EFCAB11: variants seen among roughly 807,000 people sequenced by gnomAD.
EFCAB11 encodes EF-hand calcium binding domain 11.
Under a neutral mutation model 23.0 loss-of-function variants are expected in EFCAB11, and 14 were observed. That is an observed-to-expected ratio of 0.61 (90% confidence interval 0.40 to 0.95). The LOEUF (loss-of-function observed/expected upper bound fraction) is 0.95, where lower values mean the gene tolerates loss of function less well. Ranked by LOEUF, EFCAB11 falls within the 40% of genes least tolerant of loss-of-function variation. The probability of loss-of-function intolerance (pLI) is 0.00; values close to 1 mark genes in which losing one functional copy is unlikely to be tolerated. For missense variants in EFCAB11, 198 were observed against 195.8 expected, an observed-to-expected ratio of 1.01 and a Z score of -0.07; for synonymous variants, 65 against 66.6, an observed-to-expected ratio of 0.98 and a Z score of 0.11.
At position 89,924,129 on chromosome 14, in the gene EFCAB11, T is replaced by C; in HGVS notation, c.410+7412A>G. 4 of 985,956 alleles carry C rather than the reference T, an allele frequency of 4.1e-6. No individual in the cohort carries two copies. The South Asian group carries it at 1.9e-4, about 46-fold the overall frequency. The allele number at this position is 985,956 out of a possible 1,614,324, so 61.1% of individuals were successfully genotyped here. A position where few individuals can be genotyped will look rare whatever the true frequency, so the allele number is the denominator to read the frequency against. The stretch of plus-strand genomic sequence containing the variant: ...ATTCCTAAGACCCAGCCCCCACTAA[T>C]ACTCTGATTTTGAAAATATCTTATT... On this transcript the variant is annotated intron_variant, in intron 5 of 5. Transcript: ENST00000316738.
At chr14:89,932,382 C>T in intron 4 of EFCAB11, 144 bp downstream of exon 4, 1 of 616,726 alleles carries the variant, frequency 1.6e-6, no homozygotes, top group Non-Finnish European at 2.8e-6. Flanking sequence ...AAAAAATGTG[C>T]ATCAATACCT....
chr14:89,944,165 T>C (rs1890886150), intron 3 of EFCAB11, among the ~76,000 whole-genome samples: 1 of 152,180 alleles, frequency 6.6e-6, no homozygotes, highest in East Asian at 1.9e-4. Flanking sequence ...GGACTTACAG[T>C]TCCACACGGC....
At chr14:89,919,245 G>T (rs1184440559) in intron 5 of EFCAB11, among the ~76,000 whole-genome samples, 1 of 151,982 alleles carries the variant, frequency 6.6e-6, no homozygotes, top group Non-Finnish European at 1.5e-5. Flanking sequence ...ATTCACTGTG[G>T]AATGTATGAT....
chr14:89,807,342 T>G (rs1274252628), intron 5 of EFCAB11, among the ~76,000 whole-genome samples: 2 of 152,226 alleles, frequency 1.3e-5, no homozygotes, highest in Non-Finnish European at 2.9e-5. Context: ...AATGGCTCAG[T>G]GCACAGATGT....
chr14:89,918,810 G>C (rs1207541680), intron 5 of EFCAB11, among the ~76,000 whole-genome samples: 2 of 151,840 alleles, frequency 1.3e-5, no homozygotes, highest in Non-Finnish European at 2.9e-5. Context: ...CTGCAGAAGA[G>C]GGCAGCCACA....
chr14:89,811,613 G>A (rs1193488883), intron 5 of EFCAB11, among the ~76,000 whole-genome samples: 1 of 152,116 alleles, frequency 6.6e-6, no homozygotes, highest in Non-Finnish European at 1.5e-5. Flanking sequence ...AGAGAGATGT[G>A]AAGACGCTAA....
intron 5 of EFCAB11, among the ~76,000 whole-genome samples, chr14:89,828,091 A>G (rs555207011): frequency 6.6e-6 from 1 of 152,308 alleles, no homozygotes; most frequent in Non-Finnish European, 1.5e-5. Context: ...ATTTTTGCCT[A>G]AAGCCATTTA....
intron 5 of EFCAB11, among the ~76,000 whole-genome samples, chr14:89,844,378 G>A (rs1404599647): frequency 1.4e-4 from 21 of 152,104 alleles, no homozygotes; most frequent in Admixed American, 1.3e-3. Flanking sequence ...TGCTAAAATT[G>A]AATGAAATAA....
At chr14:89,862,554 C>T (rs1012871373) in intron 5 of EFCAB11, among the ~76,000 whole-genome samples, 1 of 152,102 alleles carries the variant, frequency 6.6e-6, no homozygotes, top group Non-Finnish European at 1.5e-5. Context: ...CAGAAAGCTA[C>T]CTGGTGGGAA....
chr14:89,874,239 C>A (rs1211812741), intron 5 of EFCAB11, among the ~76,000 whole-genome samples: 1 of 152,148 alleles, frequency 6.6e-6, no homozygotes, highest in Non-Finnish European at 1.5e-5. Context: ...CCCCTTTTAG[C>A]CACAGATGGG....
intron 5 of EFCAB11, among the ~76,000 whole-genome samples, chr14:89,822,675 T>C (rs968129973): frequency 6.6e-5 from 10 of 152,100 alleles, no homozygotes; most frequent in Non-Finnish European, 8.8e-5. Context: ...GAAAAGAACT[T>C]ACAGGTACAG....
intron 5 of EFCAB11, among the ~76,000 whole-genome samples, chr14:89,921,136 C>T (rs1890011048): frequency 6.6e-6 from 1 of 150,948 alleles, no homozygotes; most frequent in South Asian, 2.1e-4. Flanking sequence ...GAATGGATAC[C>T]ATTCAGATAT....
intron 3 of EFCAB11, among the ~76,000 whole-genome samples, chr14:89,937,707 G>A (rs1890637116): frequency 6.6e-6 from 1 of 152,042 alleles, no homozygotes; most frequent in South Asian, 2.1e-4. Context: ...TGTATTTTTA[G>A]TAGAGACGGG....
At chr14:89,880,686 G>C (rs1287042095) in intron 5 of EFCAB11, among the ~76,000 whole-genome samples, 1 of 152,230 alleles carries the variant, frequency 6.6e-6, no homozygotes, top group Non-Finnish European at 1.5e-5. Context: ...AGCTGTGTCA[G>C]TCTATAAGCT....
chr14:89,826,410 T>A (rs75117035), intron 5 of EFCAB11, among the ~76,000 whole-genome samples: 1 of 151,740 alleles, frequency 6.6e-6, no homozygotes, highest in Non-Finnish European at 1.5e-5. Flanking sequence ...CTAGAAAGAC[T>A]GGAACACAGA....
At chr14:89,807,868 T>C (rs1320855938) in intron 5 of EFCAB11, among the ~76,000 whole-genome samples, 1 of 152,150 alleles carries the variant, frequency 6.6e-6, no homozygotes, top group Non-Finnish European at 1.5e-5. Flanking sequence ...AAACAAAAGA[T>C]AAATCCTCAA....
chr14:89,844,527 T>C (rs1378878807), intron 5 of EFCAB11, among the ~76,000 whole-genome samples: 8 of 152,190 alleles, frequency 5.3e-5, no homozygotes, highest in African/African-American at 1.7e-4. Flanking sequence ...GGTGGATGAA[T>C]GAATATAAGG....
At chr14:89,950,392 T>C (rs1891128673) in intron 2 of EFCAB11, among the ~76,000 whole-genome samples, 1 of 152,148 alleles carries the variant, frequency 6.6e-6, no homozygotes, top group Admixed American at 6.5e-5. Flanking sequence ...CCAAAACAGT[T>C]TAAGAACAGA....
chr14:89,893,575 C>T (rs1323716374), intron 5 of EFCAB11, among the ~76,000 whole-genome samples: 2 of 150,532 alleles, frequency 1.3e-5, no homozygotes, highest in African/African-American at 2.5e-5. Flanking sequence ...CCTGGGGGGC[C>T]TTAAAGGCCT....
Sources: allele counts gnomAD v4.1 joint callset (sites outside exome capture counted in the v4.1 genomes callset), GRCh38; gene constraint gnomAD v4.1.1; transcripts MANE v1.5; gene names NCBI Gene and HGNC (gene_info 2026-07-23, HGNC 2026-07-21).